Variants in IL9R observed in about 807,000 individuals in gnomAD.
IL9R encodes interleukin-9 receptor.
In IL9R, 54 loss-of-function variants were observed where a neutral mutation model predicts 56.3. That is an observed-to-expected ratio of 0.96 (90% CI 0.77 to 1.20). The LOEUF is 1.20. Ranked by LOEUF, IL9R falls within the 50% of genes most tolerant of loss-of-function variation. IL9R has a pLI of 0.00. For synonymous variants in IL9R, 212 were observed against 250.2 expected, an observed-to-expected ratio of 0.85 and a Z score of 1.44; for missense variants, 545 against 629.8, an observed-to-expected ratio of 0.87 and a Z score of 1.44.
rs749958041 is a variant in IL9R at position 156,007,488 on chromosome X, G to C, written c.888-35G>C. The C allele has an allele frequency of 1.5e-3, 1,428 of 929,542 alleles. 17 individuals carry two copies. In the African/African-American group the frequency reaches 0.023, roughly 15 times the overall value. 57.6% of individuals were successfully genotyped at this position (929,542 alleles called of 1,614,324 possible). ...GCAGTGACCTCAGGCCACCTGGGTC[G>C]CCATAGGCCTCTGACTGGCCTCTCT... On this transcript the variant is annotated intron_variant, in intron 7 of 8. Coordinates refer to ENST00000244174, the MANE Select transcript of IL9R (RefSeq NM_002186.3).
intron 4 of IL9R, chrX:156,004,167 T>A: frequency 1.7e-6 from 1 of 599,966 alleles, no homozygotes. Flanking sequence ...GGGAAAAGCT[T>A]CCAGCAGCAG....
intron 8 of IL9R, among the ~76,000 whole-genome samples, chrX:156,009,058 TGTTTG>T: frequency 1.4e-5 from 2 of 147,638 alleles, no homozygotes; most frequent in Non-Finnish European, 1.5e-5. Flanking sequence ...TGTCTGTGTG[TGTTTG>T]TGTGTGTGTC....
At chrX:156,009,241 G>GTGTGTGTGTGTGTGTGTGTTT (rs1377556588) in intron 8 of IL9R, among the ~76,000 whole-genome samples, 1 of 26,704 alleles carries the variant, frequency 3.7e-5, no homozygotes, top group Non-Finnish European at 7.5e-5. Flanking sequence ...GTGTTCGTGT[G>GTGTGTGTGTGTGTGTGTGTTT]GTGTGTGTGT....
At chrX:156,008,889 GTT>G (rs1480982539) in intron 8 of IL9R, among the ~76,000 whole-genome samples, 3 of 150,696 alleles carry the variant, frequency 2.0e-5, no homozygotes, top group South Asian at 2.1e-4. Context: ...GTGTGTGTGT[GTT>G]TATGTGTCTG....
At chrX:156,005,186 G>A (rs1324027619) in intron 5 of IL9R, 92 bp from the exon 6 acceptor site, 1 of 961,472 alleles carries the variant, frequency 1.0e-6, no homozygotes, top group African/African-American at 1.6e-5. Flanking sequence ...TCAAGAGTGT[G>A]TTATATGAGC....
chrX:156,000,145 A>AAAAATAT (rs780163667), intron 1 of IL9R, among the ~76,000 whole-genome samples: 164 of 144,266 alleles, frequency 1.1e-3, no homozygotes, highest in East Asian at 0.01. Flanking sequence ...AAAAAAAAAA[A>AAAAATAT]ATATATATAT....
chrX:156,009,364 T>C (rs2068322039), intron 8 of IL9R, among the ~76,000 whole-genome samples: 1 of 151,226 alleles, frequency 6.6e-6, no homozygotes, highest in Non-Finnish European at 1.5e-5. Context: ...TGTGTGTGTG[T>C]CTGTGTGTAT....
intron 1 of IL9R, among the ~76,000 whole-genome samples, chrX:156,000,890 G>A (rs1438809818): frequency 6.6e-6 from 1 of 152,152 alleles, no homozygotes; most frequent in Non-Finnish European, 1.5e-5. Flanking sequence ...AAGAAGAGAG[G>A]TGTCAGGAGC....
intron 1 of IL9R, among the ~76,000 whole-genome samples, chrX:155,998,235 G>C (rs2067269608): frequency 6.6e-6 from 1 of 152,042 alleles, no homozygotes; most frequent in African/African-American, 2.4e-5. Context: ...AGGCATTTGG[G>C]TGTTTTAGGG....
intron 5 of IL9R, 46 bp downstream of exon 5, chrX:156,004,611 A>G (rs777406077): frequency 6.3e-7 from 1 of 1,596,712 alleles, no homozygotes. Context: ...TCCTGGGAAC[A>G]GCAGTCCAGG....
chrX:156,009,429 T>TTG (rs754546109), intron 8 of IL9R, among the ~76,000 whole-genome samples: 19,525 of 129,256 alleles, frequency 0.15, 440 homozygotes, highest in African/African-American at 0.23. Context: ...TTGTGTATGT[T>TTG]TGTGTGTGTG....
At chrX:156,001,185 A>T in intron 1 of IL9R, 1 of 600,758 alleles carries the variant, frequency 1.7e-6, no homozygotes, top group East Asian at 2.8e-5. Context: ...CCTGCTCTCA[A>T]GCCGTCTGCT....
In IL9R at chrX:156,001,201, G is replaced by T. The variant is rs2067498055; in HGVS notation, c.29-1705G>T. On this transcript the variant is annotated intron_variant, in intron 1 of 8. Coordinates refer to ENST00000244174, the MANE Select transcript of IL9R (RefSeq NM_002186.3). ...CTGCTCTCAAGCCGTCTGCTCCTGG[G>T]TTAGCCTGTGGCTGGCCTGGCCTGA... The T allele has an allele frequency of 8.1e-6, 5 of 617,460 alleles. No homozygotes were observed. In the Admixed American group the frequency reaches 1.4e-4, roughly 17 times the overall value. The allele number at this position is 617,460 out of a possible 1,614,324, so 38.2% of individuals were successfully genotyped here.
In IL9R at chrX:156,007,429, G is replaced by A. The variant is rs368569162; in HGVS notation, c.888-94G>A. 1.8e-3 allele frequency: 1,480 copies of A among 831,640 alleles called. 14 individuals carry two copies. In the African/African-American group the frequency reaches 0.019, roughly 11 times the overall value. The allele number at this position is 831,640 out of a possible 1,614,324, so 51.5% of individuals were successfully genotyped here. On this transcript the variant is annotated intron_variant, in intron 7 of 8. Transcript: ENST00000244174. ...AGGCAGTGGCAGGGACGAGGTGGGC[G>A]GACCTCCTGCTGATGGAAGGAAGCT...
At chrX:156,004,979 C>T (rs1305498919) in intron 5 of IL9R, among the ~76,000 whole-genome samples, 1 of 152,026 alleles carries the variant, frequency 6.6e-6, no homozygotes, top group Non-Finnish European at 1.5e-5. Context: ...TGAGTTGCTT[C>T]TGTGCACACA....
Position 156,009,859 on chromosome X carries a change from A to G in IL9R, c.1016A>G (p.Asp339Gly), listed in dbSNP as rs1306468837. ...AHGAGVLLSQ[D>G]CAGTPQGALE... ...GGGGCCGGTGTGCTGTTGAGCCAGGACTGTGCTGGCACCCCACAGGGAGCC... is the reference window on the plus strand; with the variant it reads ...GGGGCCGGTGTGCTGTTGAGCCAGGGCTGTGCTGGCACCCCACAGGGAGCC... Residue 339 changes from aspartate (D) to glycine (G), a missense_variant, in exon 9 of 9, where the codon GAC (aspartate) becomes GGC (glycine). By Grantham distance (94) the Asp-to-Gly change is moderately conservative. Coordinates refer to ENST00000244174, the MANE Select transcript of IL9R (RefSeq NM_002186.3). 6.6e-7 allele frequency: 1 copy of G among 1,519,000 alleles called. No individual in the cohort carries two copies. The highest frequency in any genetic ancestry group is 1.8e-5 in the Admixed American group (1 of 57,074). The allele number at this position is 1,519,000 out of a possible 1,614,324, so 94.1% of individuals were successfully genotyped here. A position where few individuals can be genotyped will look rare whatever the true frequency, so the allele number is the denominator to read the frequency against.
intron 8 of IL9R, among the ~76,000 whole-genome samples, chrX:156,009,393 G>T (rs2068328514): frequency 2.0e-5 from 3 of 149,636 alleles, no homozygotes; most frequent in Admixed American, 1.3e-4. Context: ...GTTTGTGTGT[G>T]TGTGTGTCTC....
In IL9R at chrX:156,002,943, G is replaced by A; in HGVS notation, c.66G>A (p.Met22Ile). The A allele has an allele frequency of 6.2e-7, 1 of 1,613,922 alleles. No homozygotes were observed. Among genetic ancestry groups the A allele is most frequent in the Non-Finnish European group, 8.5e-7 (1 of 1,179,836 alleles). The change falls in exon 2 of 9, where the codon ATG becomes ATA. Residue 22 changes from methionine to isoleucine, a missense_variant. Physicochemically the swap from Met to Ile is conservative, Grantham distance 10 (BLOSUM62 1). Coordinates refer to ENST00000244174, the MANE Select transcript of IL9R (RefSeq NM_002186.3). ...TLESEALRRD[M>I]GTWLLACICI... ...AGAGTGAGGCCCTGAGGCGAGACAT[G>A]GGCACCTGGCTCCTGGCCTGCATCT...
chrX:156,005,197 A>T (rs1285517246), intron 5 of IL9R, 81 bp from the exon 6 acceptor site: 5 of 1,068,560 alleles, frequency 4.7e-6, no homozygotes, highest in Non-Finnish European at 7.2e-6. Context: ...TTATATGAGC[A>T]TATAATGCAT....
Sources: gnomAD v4.1 joint callset for allele counts (sites outside exome capture counted in the v4.1 genomes callset) on GRCh38, gnomAD v4.1.1 for gene constraint, MANE v1.5 for transcripts, NCBI Gene and HGNC (gene_info 2026-07-23, HGNC 2026-07-21) for gene names.